Variants in SUSD1 observed in about 807,000 individuals in gnomAD.
SUSD1 encodes sushi domain containing 1.
A neutral mutation model predicts 86.9 loss-of-function variants in SUSD1; 65 were observed. The ratio of observed to expected loss-of-function variants is 0.75; its 90% CI spans 0.61 to 0.92. The LOEUF (loss-of-function observed/expected upper bound fraction) is 0.92. Ranked by LOEUF, SUSD1 falls within the 40% of genes least tolerant of loss-of-function variation. The pLI is 0.00. For missense variants in SUSD1, 850 were observed against 929.7 expected, an observed-to-expected ratio of 0.91 and a Z score of 1.11; for synonymous variants, 346 against 350.0, an observed-to-expected ratio of 0.99 and a Z score of 0.13.
chr9:112,079,594 C>A (rs1039986501), intron 11 of SUSD1, among the ~76,000 whole-genome samples: 1 of 145,542 alleles, frequency 6.9e-6, no homozygotes, highest in Non-Finnish European at 1.5e-5. Context: ...TCATCCCAGT[C>A]TTCCCCCTCC....
chr9:112,166,440 G>A (rs1280998426), intron 1 of SUSD1, among the ~76,000 whole-genome samples: 1 of 152,198 alleles, frequency 6.6e-6, no homozygotes, highest in African/African-American at 2.4e-5. Flanking sequence ...GAGAGGCAGG[G>A]CCTGAGAATC....
At chr9:112,060,996 C>T (rs1194080279) in intron 13 of SUSD1, among the ~76,000 whole-genome samples, 1 of 152,156 alleles carries the variant, frequency 6.6e-6, no homozygotes, top group Non-Finnish European at 1.5e-5. Flanking sequence ...ACCTGTGTTG[C>T]TTGATTATTA....
chr9:112,101,374 A>C (rs1218775700), intron 9 of SUSD1, among the ~76,000 whole-genome samples: 2 of 152,134 alleles, frequency 1.3e-5, no homozygotes, highest in East Asian at 3.8e-4. Flanking sequence ...AAAAGAAAAA[A>C]AAATTTTTTT....
rs573815605 is a variant in SUSD1, at chr9:112,154,978, C to T, written c.217+2522G>A. On this transcript the variant is annotated intron_variant, in intron 2 of 16. Coordinates refer to ENST00000374270, the MANE Select transcript of SUSD1 (RefSeq NM_022486.5). ...AAAAATCAAAGGGCAGGGCCAGGTG[C>T]GGTGGCTCACGTCTGTAATCCCAGC... 2.2e-4 allele frequency among the ~76,000 whole-genome samples: 33 copies of T among 152,186 alleles called. 1 individual carries two copies. The East Asian group carries it at 5.4e-3, about 25-fold the overall frequency.
At chr9:112,143,681 A>AT in intron 3 of SUSD1, 58 bp from the exon 4 acceptor site, 1 of 1,519,164 alleles carries the variant, frequency 6.6e-7, no homozygotes, top group East Asian at 2.3e-5. Flanking sequence ...GAAAAAAAAA[A>AT]GGAGAGGATA....
chr9:112,124,265 G>T lies in SUSD1; in HGVS notation c.878C>A (p.Thr293Lys). 6.2e-7 allele frequency: 1 copy of T among 1,613,180 alleles called. No homozygotes were observed. ...CAGAACAGAATCTGTACCTGTGCATGTTAAAGTACTTTCTCTCCAGGTGCC... is the reference window on the plus strand; with the variant it reads ...CAGAACAGAATCTGTACCTGTGCATTTTAAAGTACTTTCTCTCCAGGTGCC... ...EKGTWRESTL[T>K]CTEILTKIND... is the part of the protein sequence containing the mutation. Residue 293 changes from threonine to lysine, a missense_variant, in exon 6 of 17, where the codon ACA (threonine) becomes AAA (lysine). Coordinates refer to ENST00000374270, the MANE Select transcript of SUSD1 (RefSeq NM_022486.5).
At chr9:112,087,435 C>T (rs1008887898) in intron 10 of SUSD1, among the ~76,000 whole-genome samples, 1 of 152,142 alleles carries the variant, frequency 6.6e-6, no homozygotes, top group South Asian at 2.1e-4. Context: ...CTCACCTCGG[C>T]CTCCCAAAGT....
intron 10 of SUSD1, among the ~76,000 whole-genome samples, chr9:112,097,019 T>A (rs75609584): frequency 6.6e-6 from 1 of 151,226 alleles, no homozygotes; most frequent in African/African-American, 2.4e-5. Context: ...CTCAATCTGA[T>A]AAAAAAAATA....
intron 10 of SUSD1, among the ~76,000 whole-genome samples, chr9:112,089,811 CAAAA>C (rs3983407): frequency 8.6e-6 from 1 of 115,950 alleles, no homozygotes; most frequent in Non-Finnish European, 1.9e-5. Context: ...GATTCCATCT[CAAAA>C]AAAAAAAAAA....
chr9:112,048,157 C>A (rs1828035982), intron 15 of SUSD1, among the ~76,000 whole-genome samples: 1 of 152,140 alleles, frequency 6.6e-6, no homozygotes, highest in African/African-American at 2.4e-5. Context: ...ACCTCTAGAT[C>A]CAGATTTAAA....
chr9:112,121,429 T>G (rs1449176075), intron 6 of SUSD1, among the ~76,000 whole-genome samples: 1 of 152,186 alleles, frequency 6.6e-6, no homozygotes, highest in East Asian at 1.9e-4. Flanking sequence ...TATGTGTATG[T>G]GCATACCTTT....
chr9:112,165,407 CT>C (rs34075174), intron 1 of SUSD1, among the ~76,000 whole-genome samples: 2,347 of 119,392 alleles, frequency 0.02, 40 homozygotes, highest in African/African-American at 0.066. Flanking sequence ...GTCTTTGACA[CT>C]TTTTTTTTTT....
At chr9:112,145,471 A>G (rs1464807072) in intron 3 of SUSD1, among the ~76,000 whole-genome samples, 1 of 151,972 alleles carries the variant, frequency 6.6e-6, no homozygotes, top group African/African-American at 2.4e-5. Flanking sequence ...TTGTAGAGAC[A>G]GGGTTTCACC....
In SUSD1 at chr9:112,080,114, C is replaced by G; in HGVS notation, c.1526G>C (p.Trp509Ser). The G allele has an allele frequency of 3.1e-6, 5 of 1,613,596 alleles. No homozygotes were observed. The highest frequency in any genetic ancestry group is 3.4e-6 in the Non-Finnish European group (4 of 1,179,644). ...CATATCAGCTGTCTTGATGCTTCTC[C>G]ATCTCAAGCAGGTTTCATTAAATCC... ...ISGFNETCLR[W>S]RSIKTADMEE... is the part of the protein sequence containing the mutation. Residue 509 changes from tryptophan to serine, a missense_variant, in exon 11 of 17, where the codon TGG becomes TCG. Trp to Ser is a radical substitution (Grantham distance 177). Transcript: ENST00000374270.
In SUSD1 at chr9:112,041,959, A is replaced by T; in HGVS notation, c.2151T>A (p.Asp717Glu). The T allele has an allele frequency of 6.2e-7, 1 of 1,613,814 alleles. No homozygotes were observed. The highest frequency in any genetic ancestry group is 8.5e-7 in the Non-Finnish European group (1 of 1,179,852). The change falls in exon 16 of 17, where the codon GAT becomes GAA. Residue 717 changes from aspartate to glutamate, a missense_variant and splice_region_variant. Transcript: ENST00000374270. ...CCATCTGCAGCAGCATGAGTGACGA[A>T]TCTGTGGGACAAAACCACAGGCTTA... ...HSCAVWAQVK[D>E]SSLMLLQMAG...
intron 15 of SUSD1, among the ~76,000 whole-genome samples, chr9:112,050,700 A>C (rs1176842943): frequency 1.3e-5 from 2 of 152,212 alleles, no homozygotes; most frequent in Non-Finnish European, 2.9e-5. Context: ...GAAAAGGTCC[A>C]GATTCCAAGG....
intron 5 of SUSD1, among the ~76,000 whole-genome samples, chr9:112,136,767 C>T (rs1223820701): frequency 6.6e-6 from 1 of 152,198 alleles, no homozygotes; most frequent in African/African-American, 2.4e-5. Flanking sequence ...TTTGAATGCA[C>T]TAAATTGTGG....
intron 12 of SUSD1, among the ~76,000 whole-genome samples, chr9:112,066,882 ATC>A (rs1050416947): frequency 1.3e-5 from 2 of 151,808 alleles, no homozygotes; most frequent in Non-Finnish European, 2.9e-5. Context: ...TTTGTTGTTT[ATC>A]TGTTTTTTTG....
At chr9:112,116,161 T>A (rs952112946) in intron 6 of SUSD1, among the ~76,000 whole-genome samples, 1 of 152,230 alleles carries the variant, frequency 6.6e-6, no homozygotes, top group Admixed American at 6.5e-5. Context: ...GAAGCAGAGA[T>A]TAGAAAGGAG....
Sources: gnomAD v4.1 joint callset for allele counts (sites outside exome capture counted in the v4.1 genomes callset) on GRCh38, gnomAD v4.1.1 for gene constraint, MANE v1.5 for transcripts, NCBI Gene and HGNC (gene_info 2026-07-23, HGNC 2026-07-21) for gene names.